ADGRE3: variants seen among roughly 807,000 people sequenced by gnomAD.
ADGRE3 encodes EGF-like module receptor 3.
In ADGRE3, 88 loss-of-function variants were observed where a neutral mutation model predicts 80.1. The observed-to-expected ratio is 1.10, with a 90% CI of 0.93 to 1.31. The LOEUF (loss-of-function observed/expected upper bound fraction) is 1.31, where lower values mean the gene tolerates loss of function less well. ADGRE3 is among the 40% of genes most tolerant of loss of function. The pLI is 0.00. For missense variants in ADGRE3, 715 were observed against 776.5 expected (o/e 0.92, Z 0.94); for synonymous variants, 281 against 294.8 (o/e 0.95, Z 0.48).
chr19:14,650,090 A>C (rs1213995351), intron 7 of ADGRE3, among the ~76,000 whole-genome samples: 46 of 109,956 alleles, frequency 4.2e-4, no homozygotes, highest in Admixed American at 6.4e-4. Flanking sequence ...CTCTCTCCCC[A>C]TCTCTCTCTT....
At chr19:14,626,003 G>C (rs1349087828) in intron 14 of ADGRE3, among the ~76,000 whole-genome samples, 3 of 152,154 alleles carry the variant, frequency 2.0e-5, no homozygotes, top group African/African-American at 7.2e-5. Flanking sequence ...AAGTTCCGGA[G>C]ATGGATGTTG....
chr19:14,668,274 A>G (rs1972156641), intron 2 of ADGRE3, among the ~76,000 whole-genome samples: 2 of 152,204 alleles, frequency 1.3e-5, no homozygotes, highest in South Asian at 2.1e-4. Context: ...GAAGAAAAAA[A>G]GAGACTCTCA....
Position 14,620,584 on chromosome 19 carries a change from T to A in ADGRE3, c.1921-1113A>T, listed in dbSNP as rs1438613658. 1.9e-3 allele frequency among the ~76,000 whole-genome samples: 107 copies of A among 55,800 alleles called. 3 individuals carry two copies. The highest frequency in any genetic ancestry group is 2.9e-3 in the Non-Finnish European group (88 of 30,620). 36.6% of individuals were successfully genotyped at this position (55,800 alleles called of 152,430 possible). On this transcript the variant is annotated intron_variant, in intron 15 of 15. Transcript: ENST00000253673. ...TATATATATATTTTTTTTTTTTTTT[T>A]TTTTTTTTTTTTTGAGACAGGGTTT...
chr19:14,633,937 C>T (rs1027263671), intron 11 of ADGRE3, among the ~76,000 whole-genome samples: 21 of 151,600 alleles, frequency 1.4e-4, no homozygotes, highest in African/African-American at 3.4e-4. Context: ...CCACCACACC[C>T]GGCTAATTTT....
Position 14,655,023 on chromosome 19 carries a change from T to C in ADGRE3, c.536A>G (p.Asp179Gly). The C allele has an allele frequency of 6.2e-7, 1 of 1,614,122 alleles. No homozygotes were observed. The highest frequency in any genetic ancestry group is 8.5e-7 in the Non-Finnish European group (1 of 1,180,004). The change falls in exon 6 of 16, where the codon GAT becomes GGT. Residue 179 changes from aspartate to glycine, a missense_variant. Coordinates refer to ENST00000253673, the MANE Select transcript of ADGRE3 (RefSeq NM_032571.5). ...GATTTTCAGGACTTTTTGTTCTGGATCTTTCAAGGCAGTTTCTAGAACTTT... is the reference window on the plus strand; with the variant it reads ...GATTTTCAGGACTTTTTGTTCTGGACCTTTCAAGGCAGTTTCTAGAACTTT... ...ESKVLETALK[D>G]PEQKVLKIQN...
chr19:14,606,899 C>G, the ADGRE3 span: 1 of 514,368 alleles, frequency 1.9e-6, no homozygotes, highest in Non-Finnish European at 3.0e-6. Flanking sequence ...GTGACGTTCC[C>G]AAGCCCTAAA....
chr19:14,630,692 G>A (rs1970857962), intron 13 of ADGRE3, among the ~76,000 whole-genome samples: 1 of 151,998 alleles, frequency 6.6e-6, no homozygotes, highest in Non-Finnish European at 1.5e-5. Context: ...GGGATTAAAG[G>A]CGTGAACCAC....
chr19:14,669,126 G>A (rs957083374), intron 1 of ADGRE3, among the ~76,000 whole-genome samples: 2 of 152,066 alleles, frequency 1.3e-5, no homozygotes, highest in Admixed American at 1.3e-4. Context: ...ATTTACAGCA[G>A]CATTATTCAC....
chr19:14,664,910 A>G (rs1972049069), intron 2 of ADGRE3, among the ~76,000 whole-genome samples: 1 of 152,118 alleles, frequency 6.6e-6, no homozygotes, highest in South Asian at 2.1e-4. Context: ...TACTTTTCAG[A>G]AAAATACCAA....
At position 14,629,106 on chromosome 19, in the gene ADGRE3, T is replaced by C. The variant is rs564425886; in HGVS notation, c.1812+933A>G. Among the ~76,000 whole-genome samples the C allele has an allele frequency of 1.1e-3, 164 of 152,020 alleles. 1 individual carries two copies. The highest frequency in any genetic ancestry group is 3.6e-3 in the African/African-American group (151 of 41,440). ...CGGGTAATTGTTTTGTAGTTTTTAG[T>C]AGAGATGGGGTTTCGCCATGTTCGT... On this transcript the variant is annotated intron_variant, in intron 14 of 15. Coordinates refer to ENST00000253673, the MANE Select transcript of ADGRE3 (RefSeq NM_032571.5).
chr19:14,628,154 C>T (rs1040947749), intron 14 of ADGRE3, among the ~76,000 whole-genome samples: 1 of 150,778 alleles, frequency 6.6e-6, no homozygotes, highest in African/African-American at 2.4e-5. Context: ...AACAAAACAA[C>T]AAAAAAACGA....
At chr19:14,601,533 C>T in the ADGRE3 span, among the ~76,000 whole-genome samples, 97 of 152,160 alleles carry the variant, frequency 6.4e-4, no homozygotes, top group Admixed American at 1.0e-3. Flanking sequence ...GAGTCACTTA[C>T]AGCTAGTGGG....
At chr19:14,618,278 C>T (rs918853517), downstream of ADGRE3, among the ~76,000 whole-genome samples, 22 of 151,892 alleles carry the variant, frequency 1.4e-4, no homozygotes, top group African/African-American at 3.4e-4. Context: ...TCTCATCAGG[C>T]GCGATGGCTT....
the ADGRE3 span, chr19:14,606,948 G>C: frequency 6.6e-6 from 7 of 1,053,788 alleles, no homozygotes; most frequent in Non-Finnish European, 8.6e-6. Context: ...TCACCCTGAG[G>C]GTCATGTAGA....
Position 14,633,349 on chromosome 19 carries a change from C to T in ADGRE3, c.1485-47G>A, listed in dbSNP as rs370790081. 1.3e-5 allele frequency: 18 copies of T among 1,410,984 alleles called. No individual in the cohort carries two copies. The African/African-American group carries it at 1.4e-4, about 11-fold the overall frequency. The allele number at this position is 1,410,984 out of a possible 1,614,324, so 87.4% of individuals were successfully genotyped here. A position where few individuals can be genotyped will look rare whatever the true frequency, so the allele number is the denominator to read the frequency against. On this transcript the variant is annotated intron_variant, in intron 11 of 15. Transcript: ENST00000253673. ...ATACAAAGAGAGATCAGAGAAAGTGCGTGAGATCAACATAAAGTGTCTCTT... is the reference window on the plus strand; with the variant it reads ...ATACAAAGAGAGATCAGAGAAAGTGTGTGAGATCAACATAAAGTGTCTCTT...
At chr19:14,661,565 C>T (rs1472977243) in intron 4 of ADGRE3, among the ~76,000 whole-genome samples, 1 of 152,184 alleles carries the variant, frequency 6.6e-6, no homozygotes, top group Admixed American at 6.5e-5. Flanking sequence ...CTTTCTCACC[C>T]CCTTATTTCC....
At chr19:14,627,410 C>A (rs547452290) in intron 14 of ADGRE3, among the ~76,000 whole-genome samples, 1 of 152,304 alleles carries the variant, frequency 6.6e-6, no homozygotes, top group Non-Finnish European at 1.5e-5. Flanking sequence ...CGGAGTCTCG[C>A]TCTGTTGCTC....
chr19:14,605,013 C>G, the ADGRE3 span, among the ~76,000 whole-genome samples: 1 of 152,006 alleles, frequency 6.6e-6, no homozygotes, highest in Non-Finnish European at 1.5e-5. Context: ...AACTCATTAG[C>G]TAACTGAGAT....
chr19:14,615,421 A>G (rs138294322), downstream of ADGRE3, among the ~76,000 whole-genome samples: 1,105 of 151,574 alleles, frequency 7.3e-3, 5 homozygotes, highest in Middle Eastern at 0.01. Flanking sequence ...CTCAACTAAC[A>G]CATTTTTGGT....
Sources: allele counts gnomAD v4.1 joint callset (sites outside exome capture counted in the v4.1 genomes callset), GRCh38; gene constraint gnomAD v4.1.1; transcripts MANE v1.5; gene names NCBI Gene and HGNC (gene_info 2026-07-23, HGNC 2026-07-21).